MYH15: variants seen among roughly 807,000 people sequenced by gnomAD.
The protein encoded by MYH15 is myosin-15.
MYH15 carries 227 observed loss-of-function variants against 240.5 expected under a neutral mutation model. That is an observed-to-expected ratio of 0.94 (90% confidence interval 0.85 to 1.05). The LOEUF is 1.05. Ranked by LOEUF, MYH15 falls within the 50% of genes least tolerant of loss-of-function variation. The probability of loss-of-function intolerance (pLI) is 0.00; values close to 1 mark genes in which losing one functional copy is unlikely to be tolerated. For missense variants in MYH15, 2,217 were observed against 2,247.5 expected (o/e 0.99, Z 0.27); for synonymous variants, 785 against 796.7 (o/e 0.99, Z 0.25).
upstream of MYH15, among the ~76,000 whole-genome samples, chr3:108,513,090 T>TA (rs1251387362): frequency 6.6e-6 from 1 of 152,100 alleles, no homozygotes; most frequent in Non-Finnish European, 1.5e-5. Context: ...AGCCCAGTCC[T>TA]AGCAACATCT....
At chr3:108,403,843 C>A (rs1308864835) in intron 33 of MYH15, among the ~76,000 whole-genome samples, 1 of 151,930 alleles carries the variant, frequency 6.6e-6, no homozygotes, top group Non-Finnish European at 1.5e-5. Flanking sequence ...TTTTTTCGCA[C>A]TAAGATTATT....
chr3:108,445,143 A>G (rs1213033300), intron 21 of MYH15, among the ~76,000 whole-genome samples: 2 of 152,226 alleles, frequency 1.3e-5, no homozygotes, highest in Non-Finnish European at 2.9e-5. Context: ...TTTGAATGAG[A>G]GCTGAACCTA....
chr3:108,416,257 TG>T (rs1346214695), intron 29 of MYH15, among the ~76,000 whole-genome samples: 2 of 152,224 alleles, frequency 1.3e-5, no homozygotes, highest in Non-Finnish European at 2.9e-5. Context: ...TAAGATAGTT[TG>T]GGGTCTTAGT....
intron 12 of MYH15, among the ~76,000 whole-genome samples, chr3:108,474,652 G>T (rs1234361303): frequency 6.6e-6 from 1 of 151,950 alleles, no homozygotes; most frequent in African/African-American, 2.4e-5. Context: ...TTCCAAATCT[G>T]CTCTTCTTGC....
At chr3:108,523,925 C>T (rs1420963620) in intron 1 of MYH15, among the ~76,000 whole-genome samples, 9 of 151,964 alleles carry the variant, frequency 5.9e-5, no homozygotes, top group Non-Finnish European at 1.2e-4. Flanking sequence ...TGATATTTCA[C>T]ATCATACCAT....
chr3:108,396,188 T>A (rs1156502499), intron 35 of MYH15, among the ~76,000 whole-genome samples: 1 of 152,148 alleles, frequency 6.6e-6, no homozygotes. Context: ...TCTAGGCTAG[T>A]GATTTTGCAT....
At chr3:108,511,277 A>G (rs1256583199), upstream of MYH15, among the ~76,000 whole-genome samples, 1 of 152,206 alleles carries the variant, frequency 6.6e-6, no homozygotes, top group Non-Finnish European at 1.5e-5. Context: ...GTCTGGGAGC[A>G]AATGATTTAC....
chr3:108,484,731 C>T (rs1281818362), intron 11 of MYH15, among the ~76,000 whole-genome samples: 3 of 152,180 alleles, frequency 2.0e-5, no homozygotes, highest in East Asian at 1.9e-4. Flanking sequence ...CCACCCACCT[C>T]GGCCTCCCCA....
At chr3:108,449,847 T>G (rs2082958548) in intron 21 of MYH15, among the ~76,000 whole-genome samples, 1 of 151,936 alleles carries the variant, frequency 6.6e-6, no homozygotes, top group African/African-American at 2.4e-5. Context: ...AGGGGTAATA[T>G]TCAAAATTTA....
chr3:108,415,002 A>G (rs544005899), intron 29 of MYH15, among the ~76,000 whole-genome samples: 5 of 152,228 alleles, frequency 3.3e-5, no homozygotes, highest in Non-Finnish European at 7.3e-5. Flanking sequence ...GTGGCTACTG[A>G]ACATTCAAAA....
In MYH15 at chr3:108,398,666, T is replaced by C; in HGVS notation, c.5104A>G (p.Thr1702Ala). ...RLSEEELLEA[T>A]ERINLFYTQN... is the part of the protein sequence containing the mutation. ...GTATAGAAAAGATTGATTCTTTCTGTTGCTTCCAGGAGCTCTTCTTCTGAC... is the reference window on the plus strand; with the variant it reads ...GTATAGAAAAGATTGATTCTTTCTGCTGCTTCCAGGAGCTCTTCTTCTGAC... The change falls in exon 35 of 41, where the codon ACA (threonine) becomes GCA (alanine). Residue 1702 changes from threonine (T) to alanine (A), a missense_variant. Coordinates refer to ENST00000693548, the MANE Select transcript of MYH15 (RefSeq NM_014981.3). 1.9e-6 allele frequency: 3 copies of C among 1,613,642 alleles called. No individual in the cohort carries two copies. The highest frequency in any genetic ancestry group is 2.5e-6 in the Non-Finnish European group (3 of 1,180,042).
chr3:108,549,599 C>A, the MYH15 span, among the ~76,000 whole-genome samples: 1 of 151,978 alleles, frequency 6.6e-6, no homozygotes, highest in African/African-American at 2.4e-5. Context: ...TCTGCATTAT[C>A]TAACAGGATG....
intron 15 of MYH15, 41 bp from the exon 16 acceptor site, chr3:108,463,284 A>AT (rs2083086554): frequency 6.4e-7 from 1 of 1,570,136 alleles, no homozygotes; most frequent in Admixed American, 2.1e-5. Context: ...AAAGAAAAAA[A>AT]ACTGCATAAG....
intron 3 of MYH15, 29 bp downstream of exon 3, chr3:108,501,683 A>G: frequency 6.2e-7 from 1 of 1,612,636 alleles, no homozygotes; most frequent in Non-Finnish European, 8.5e-7. Flanking sequence ...TGCCAACATG[A>G]CAGTTTAGCA....
chr3:108,475,256 T>C (rs1394897825), intron 12 of MYH15, among the ~76,000 whole-genome samples: 1 of 152,134 alleles, frequency 6.6e-6, no homozygotes, highest in Non-Finnish European at 1.5e-5. Context: ...TCCTTTGGAA[T>C]GTTACTTAAC....
chr3:108,518,200 C>G (rs1003089827), intron 1 of MYH15, among the ~76,000 whole-genome samples: 4 of 152,086 alleles, frequency 2.6e-5, no homozygotes, highest in Admixed American at 6.6e-5. Flanking sequence ...ATGTAATAAC[C>G]TTTATTATAT....
chr3:108,492,376 A>T, intron 9 of MYH15, 124 bp downstream of exon 9: 1 of 523,240 alleles, frequency 1.9e-6, no homozygotes, highest in Non-Finnish European at 3.3e-6. Context: ...CCTAAGTTTT[A>T]AGGATGAATA....
intron 6 of MYH15, among the ~76,000 whole-genome samples, chr3:108,496,252 T>C (rs2107229769): frequency 6.6e-6 from 1 of 152,348 alleles, no homozygotes; most frequent in Admixed American, 6.5e-5. Flanking sequence ...ATCCGATCTT[T>C]GCACTTGGAA....
At chr3:108,538,746 T>C in the MYH15 span, among the ~76,000 whole-genome samples, 1 of 152,180 alleles carries the variant, frequency 6.6e-6, no homozygotes, top group African/African-American at 2.4e-5. Context: ...AGTTGGCTGG[T>C]TGAGGTGTCT....
Sources: allele counts gnomAD v4.1 joint callset (sites outside exome capture counted in the v4.1 genomes callset), GRCh38; gene constraint gnomAD v4.1.1; transcripts MANE v1.5; gene names NCBI Gene and HGNC (gene_info 2026-07-23, HGNC 2026-07-21).